Variants in ROPN1L observed in about 807,000 individuals in gnomAD.
ROPN1L encodes the protein rhophilin associated tail protein 1 like.
ROPN1L carries 23 observed loss-of-function variants against 22.7 expected under a neutral mutation model. That is an observed-to-expected ratio of 1.01 (90% CI 0.73 to 1.43). The LOEUF (loss-of-function observed/expected upper bound fraction) is 1.43. Ranked by LOEUF, ROPN1L falls within the 40% of genes most tolerant of loss-of-function variation. The probability of loss-of-function intolerance (pLI) is 0.00; values close to 1 mark genes in which losing one functional copy is unlikely to be tolerated. For synonymous variants in ROPN1L, 116 were observed against 117.8 expected (o/e 0.98, Z 0.10); for missense variants, 271 against 291.5 (o/e 0.93, Z 0.51).
the ROPN1L span, among the ~76,000 whole-genome samples, chr5:10,481,603 GC>G: frequency 6.6e-6 from 1 of 152,218 alleles, no homozygotes; most frequent in Non-Finnish European, 1.5e-5. Context: ...AGATATCAAA[GC>G]ATCAGAATGC....
chr5:10,464,435 T>A (rs2126472541), intron 4 of ROPN1L, among the ~76,000 whole-genome samples: 1 of 152,342 alleles, frequency 6.6e-6, no homozygotes, highest in Non-Finnish European at 1.5e-5. Flanking sequence ...TCCGCGCACC[T>A]CTTCTCTTCT....
intron 3 of ROPN1L, among the ~76,000 whole-genome samples, chr5:10,451,828 CA>C (rs1741259194): frequency 6.6e-6 from 1 of 152,176 alleles, no homozygotes; most frequent in Non-Finnish European, 1.5e-5. Context: ...CAGATGGCAC[CA>C]GGGGAGTGTC....
intron 3 of ROPN1L, among the ~76,000 whole-genome samples, chr5:10,451,790 T>C (rs2648793): frequency 0.94 from 142,622 of 152,280 alleles, 67,245 homozygotes; most frequent in East Asian, 1. Flanking sequence ...TTGGCAGGCA[T>C]GGTACCCTCC....
chr5:10,454,438 C>T (rs1421785880), intron 3 of ROPN1L, among the ~76,000 whole-genome samples: 1 of 152,114 alleles, frequency 6.6e-6, no homozygotes, highest in Non-Finnish European at 1.5e-5. Flanking sequence ...TTTATTTTTC[C>T]ATTTCTACAA....
downstream of ROPN1L, among the ~76,000 whole-genome samples, chr5:10,475,810 G>T (rs1735309957): frequency 6.6e-6 from 1 of 152,132 alleles, no homozygotes; most frequent in African/African-American, 2.4e-5. Flanking sequence ...AAGCTAAGCT[G>T]CAGTAACAAA....
At chr5:10,468,580 A>G (rs861502), downstream of ROPN1L, among the ~76,000 whole-genome samples, 32 of 152,356 alleles carry the variant, frequency 2.1e-4, no homozygotes, top group East Asian at 3.3e-3. Context: ...TGGTTTATTT[A>G]ATAACTACAA....
At position 10,464,979 on chromosome 5, in the gene ROPN1L, A is replaced by T; in HGVS notation, c.*32A>T. ...GAAGAATACATTTTAATGTCAAAAT[A>T]GTGCTCTTTAAAATTCTGGCACCAA... On this transcript the variant is annotated 3_prime_UTR_variant, in exon 5 of 5. Transcript: ENST00000274134. The T allele has an allele frequency of 7.6e-7, 1 of 1,321,590 alleles. No individual in the cohort carries two copies. Among genetic ancestry groups the T allele is most frequent in the Non-Finnish European group, 1.1e-6 (1 of 941,948 alleles). 81.9% of individuals were successfully genotyped at this position (1,321,590 alleles called of 1,614,324 possible). A position where few individuals can be genotyped will look rare whatever the true frequency, so the allele number is the denominator to read the frequency against.
At chr5:10,477,334 C>T in the ROPN1L span, among the ~76,000 whole-genome samples, 3 of 152,212 alleles carry the variant, frequency 2.0e-5, no homozygotes, top group Admixed American at 6.5e-5. Flanking sequence ...TGTCCTGGTC[C>T]ACGGACTTGC....
At chr5:10,469,009 G>A (rs1254281114), downstream of ROPN1L, among the ~76,000 whole-genome samples, 2 of 152,032 alleles carry the variant, frequency 1.3e-5, no homozygotes, top group Non-Finnish European at 2.9e-5. Flanking sequence ...CAAAAAATTA[G>A]CCGGGCGTGG....
At chr5:10,466,628 G>A (rs546105767), downstream of ROPN1L, among the ~76,000 whole-genome samples, 4 of 152,300 alleles carry the variant, frequency 2.6e-5, no homozygotes, top group Non-Finnish European at 4.4e-5. Flanking sequence ...GTGTGGAGAC[G>A]CGCGGCAGCA....
Position 10,451,413 on chromosome 5 carries a change from A to G in ROPN1L, c.417+1300A>G, listed in dbSNP as rs77991437. Among the ~76,000 whole-genome samples, 449 of 152,216 alleles carry G rather than the reference A, an allele frequency of 2.9e-3. 3 individuals are homozygous for G. Among genetic ancestry groups the G allele is most frequent in the African/African-American group, 0.01 (432 of 41,514 alleles). On this transcript the variant is annotated intron_variant, in intron 3 of 4. Transcript: ENST00000274134. ...TGAAGTTCCTGCTTCTCGCTTCCTG[A>G]CCTCTGAAACACATGCTTCTATGTG...
chr5:10,464,731 G>A (rs1328203780), intron 4 of ROPN1L, 117 bp from the exon 5 acceptor site: 2 of 577,608 alleles, frequency 3.5e-6, no homozygotes, highest in African/African-American at 1.9e-5. Flanking sequence ...TTACTGATGA[G>A]CAACCATAAA....
chr5:10,464,843 T>G lies in ROPN1L; in HGVS notation c.594-5T>G, dbSNP rs773872737. 6.4e-7 allele frequency: 1 copy of G among 1,565,164 alleles called. No individual in the cohort carries two copies. The highest frequency in any genetic ancestry group is 1.9e-5 in the Admixed American group (1 of 52,174). ...AATAAATATCTTTATCTGTTTCCAA[T>G]TTAGAGACGCCAGGAAGAACGGCAT... is the stretch of plus-strand genomic sequence containing the variant. On this transcript the variant is annotated splice_polypyrimidine_tract_variant and splice_region_variant and intron_variant, in intron 4 of 4. Coordinates refer to ENST00000274134, the MANE Select transcript of ROPN1L (RefSeq NM_031916.5).
At chr5:10,447,986 A>G (rs565682313) in intron 1 of ROPN1L, among the ~76,000 whole-genome samples, 1 of 152,322 alleles carries the variant, frequency 6.6e-6, no homozygotes, top group South Asian at 2.1e-4. Flanking sequence ...AGCTTCTGCG[A>G]GTGCCAGCCA....
rs1349590876 is a variant in ROPN1L at position 10,446,778 on chromosome 5, G to A, written c.132-1482G>A. ...ACTGAGAACTCTGCCTCCAGAGGCT[G>A]TATCTAGCTCGGGATTCCTTGCCTG... On this transcript the variant is annotated intron_variant, in intron 1 of 4. Coordinates refer to ENST00000274134, the MANE Select transcript of ROPN1L (RefSeq NM_031916.5). Among the ~76,000 whole-genome samples the A allele has an allele frequency of 2.6e-5, 4 of 152,114 alleles. No individual in the cohort carries two copies. In the East Asian group the frequency reaches 7.7e-4, roughly 29 times the overall value.
chr5:10,467,307 A>G (rs898602809), downstream of ROPN1L, among the ~76,000 whole-genome samples: 4 of 150,776 alleles, frequency 2.7e-5, no homozygotes, highest in African/African-American at 9.7e-5. Context: ...AAACAAAACA[A>G]AACACAAACT....
chr5:10,453,538 T>C (rs1181037032), intron 3 of ROPN1L, among the ~76,000 whole-genome samples: 1 of 152,186 alleles, frequency 6.6e-6, no homozygotes, highest in Non-Finnish European at 1.5e-5. Context: ...TGAAGTGCGA[T>C]GAGAATAATT....
chr5:10,457,194 T>G (rs929329760), intron 3 of ROPN1L, among the ~76,000 whole-genome samples: 15 of 152,172 alleles, frequency 9.9e-5, no homozygotes, highest in Admixed American at 1.3e-4. Flanking sequence ...CATGTTGCCC[T>G]GGGAGCTGCA....
chr5:10,471,406 CCAAAGTGCTGGGAT>C (rs1482628559), intron 4 of ROPN1L, among the ~76,000 whole-genome samples: 1 of 152,168 alleles, frequency 6.6e-6, no homozygotes, highest in Admixed American at 6.5e-5. Context: ...CCTTGGCCTC[CCAAAGTGCTGGGAT>C]GACAGGCGTG....
Sources: allele counts gnomAD v4.1 joint callset (sites outside exome capture counted in the v4.1 genomes callset), GRCh38; gene constraint gnomAD v4.1.1; transcripts MANE v1.5; gene names NCBI Gene and HGNC (gene_info 2026-07-23, HGNC 2026-07-21).